The following CHSY3 variants were observed in gnomAD, a reference collection of about 807,000 sequenced individuals.
CHSY3 encodes chondroitin sulfate synthase 3.
Under a neutral mutation model 67.2 loss-of-function variants are expected in CHSY3, and 35 were observed. The ratio of observed to expected loss-of-function variants is 0.52; its 90% CI spans 0.40 to 0.69. CHSY3 has a LOEUF of 0.69. CHSY3 is among the 30% of genes least tolerant of loss of function. CHSY3 has a pLI of 0.00. For synonymous variants in CHSY3, 474 were observed against 434.7 expected, an observed-to-expected ratio of 1.09 and a Z score of -1.12; for missense variants, 1,069 against 1,138.5, an observed-to-expected ratio of 0.94 and a Z score of 0.88.
intron 2 of CHSY3, among the ~76,000 whole-genome samples, chr5:129,972,133 G>T (rs1762659750): frequency 6.6e-6 from 1 of 152,008 alleles, no homozygotes; most frequent in African/African-American, 2.4e-5. Flanking sequence ...TGAACAAAAA[G>T]AACTTCAGTG....
At chr5:130,096,178 A>G (rs929600292) in intron 2 of CHSY3, among the ~76,000 whole-genome samples, 1 of 152,114 alleles carries the variant, frequency 6.6e-6, no homozygotes, top group Admixed American at 6.6e-5. Flanking sequence ...ATATATATAT[A>G]TATATGTATT....
intron 2 of CHSY3, among the ~76,000 whole-genome samples, chr5:129,975,229 A>T (rs983959274): frequency 1.3e-5 from 2 of 152,202 alleles, no homozygotes; most frequent in Non-Finnish European, 2.9e-5. Context: ...AGTATAATAA[A>T]AAATAAATAA....
At chr5:129,912,960 A>C (rs190930005) in intron 2 of CHSY3, among the ~76,000 whole-genome samples, 1 of 152,340 alleles carries the variant, frequency 6.6e-6, no homozygotes, top group African/African-American at 2.4e-5. Flanking sequence ...TAACTGAATG[A>C]AGCATGCATT....
intron 2 of CHSY3, among the ~76,000 whole-genome samples, chr5:130,104,203 GATT>G (rs773354609): frequency 9.9e-5 from 15 of 151,828 alleles, no homozygotes; most frequent in Admixed American, 6.6e-4. Flanking sequence ...AAAAAAAATT[GATT>G]ATTCACAATA....
chr5:130,136,438 G>A (rs1168807285), intron 2 of CHSY3, among the ~76,000 whole-genome samples: 1 of 152,164 alleles, frequency 6.6e-6, no homozygotes, highest in Non-Finnish European at 1.5e-5. Flanking sequence ...TTGAGGCAGG[G>A]AGTGATATAA....
chr5:130,107,295 CCTT>C (rs1767441084), intron 2 of CHSY3, among the ~76,000 whole-genome samples: 1 of 151,232 alleles, frequency 6.6e-6, no homozygotes, highest in African/African-American at 2.4e-5. Context: ...ATTCTCCTGA[CCTT>C]CTTCACAATG....
chr5:129,987,814 C>T (rs1401262592), intron 2 of CHSY3, among the ~76,000 whole-genome samples: 1 of 152,102 alleles, frequency 6.6e-6, no homozygotes, highest in African/African-American at 2.4e-5. Flanking sequence ...TCCATTTGGA[C>T]TGTTTTGTTT....
intron 2 of CHSY3, among the ~76,000 whole-genome samples, chr5:130,021,509 A>G (rs1764387526): frequency 6.6e-6 from 1 of 152,172 alleles, no homozygotes; most frequent in Non-Finnish European, 1.5e-5. Context: ...TTCCATGGCA[A>G]TGGAGCTTTC....
At chr5:130,009,418 A>G in intron 2 of CHSY3, among the ~76,000 whole-genome samples, 1 of 152,128 alleles carries the variant, frequency 6.6e-6, no homozygotes. Flanking sequence ...ACCAAATGCT[A>G]AGAGAATTCA....
chr5:130,148,649 ATGT>A (rs1769143302), intron 2 of CHSY3, among the ~76,000 whole-genome samples: 1 of 152,008 alleles, frequency 6.6e-6, no homozygotes, highest in Non-Finnish European at 1.5e-5. Flanking sequence ...ATGATCAGTG[ATGT>A]TGTTGAGCTT....
At chr5:129,986,752 C>T (rs951938196) in intron 2 of CHSY3, among the ~76,000 whole-genome samples, 3 of 152,156 alleles carry the variant, frequency 2.0e-5, no homozygotes, top group African/African-American at 7.2e-5. Context: ...AAACAATTCT[C>T]CTGCCCCAGC....
At chr5:130,124,774 T>C (rs1768207942) in intron 2 of CHSY3, among the ~76,000 whole-genome samples, 1 of 152,180 alleles carries the variant, frequency 6.6e-6, no homozygotes, top group Non-Finnish European at 1.5e-5. Context: ...GAACTTTTAT[T>C]CCTTAACCAT....
chr5:130,082,011 G>A (rs1177486599), intron 2 of CHSY3, among the ~76,000 whole-genome samples: 1 of 151,982 alleles, frequency 6.6e-6, no homozygotes, highest in Non-Finnish European at 1.5e-5. Context: ...ATAATTAAAA[G>A]TAAATCCTAA....
chr5:130,166,883 G>A (rs1009065938), intron 2 of CHSY3, among the ~76,000 whole-genome samples: 1 of 151,994 alleles, frequency 6.6e-6, no homozygotes, highest in African/African-American at 2.4e-5. Context: ...TTAAGCTAAT[G>A]GAGAAAGAGT....
chr5:129,942,219 T>C (rs571461275), intron 2 of CHSY3, among the ~76,000 whole-genome samples: 1 of 152,142 alleles, frequency 6.6e-6, no homozygotes, highest in Non-Finnish European at 1.5e-5. Context: ...CAACATTGTA[T>C]CAAAAAACTA....
At chr5:129,916,640 G>A (rs765406469) in intron 2 of CHSY3, among the ~76,000 whole-genome samples, 1 of 152,044 alleles carries the variant, frequency 6.6e-6, no homozygotes, top group African/African-American at 2.4e-5. Flanking sequence ...GAAAAAATAT[G>A]GTGTTAAAAT....
At chr5:130,086,032 A>G (rs1474020910) in intron 2 of CHSY3, among the ~76,000 whole-genome samples, 2 of 152,000 alleles carry the variant, frequency 1.3e-5, no homozygotes, top group Non-Finnish European at 2.9e-5. Context: ...ACTTCCAACT[A>G]TGTGGTCAAT....
intron 2 of CHSY3, among the ~76,000 whole-genome samples, chr5:129,960,157 T>TCTTTGTGGG (rs1473802644): frequency 1.3e-5 from 2 of 152,092 alleles, no homozygotes; most frequent in Admixed American, 6.6e-5. Flanking sequence ...GTCCTGATGC[T>TCTTTGTGGG]CTTTGTGGGC....
At chr5:130,109,791 C>G (rs1767534004) in intron 2 of CHSY3, among the ~76,000 whole-genome samples, 1 of 151,684 alleles carries the variant, frequency 6.6e-6, no homozygotes, top group South Asian at 2.1e-4. Flanking sequence ...TTATCAAGGA[C>G]TTGCCCAGAG....
Sources: gnomAD v4.1 joint callset for allele counts (sites outside exome capture counted in the v4.1 genomes callset) on GRCh38, gnomAD v4.1.1 for gene constraint, MANE v1.5 for transcripts, NCBI Gene and HGNC (gene_info 2026-07-23, HGNC 2026-07-21) for gene names.